Variants in MYH11 observed in about 807,000 individuals in gnomAD.
MYH11 encodes the protein myosin heavy chain 11, also known as myosin-11.
A neutral mutation model predicts 246.6 loss-of-function variants in MYH11; 80 were observed. That is an observed-to-expected ratio of 0.32 (90% confidence interval 0.27 to 0.39). The LOEUF (loss-of-function observed/expected upper bound fraction) is 0.39, where lower values mean the gene tolerates loss of function less well. MYH11 is among the 10% of genes least tolerant of loss of function. The pLI is 1.00. For missense variants in MYH11, 2,158 were observed against 2,546.8 expected (o/e 0.85, Z 3.29); for synonymous variants, 1,071 against 1,015.5 (o/e 1.05, Z -1.04).
intron 4 of MYH11, among the ~76,000 whole-genome samples, chr16:15,796,105 A>G (rs1260161656): frequency 1.4e-4 from 22 of 152,204 alleles, no homozygotes; most frequent in Non-Finnish European, 1.5e-5. Flanking sequence ...TGAACTAGGA[A>G]GAGGCGGTGG....
intron 27 of MYH11, among the ~76,000 whole-genome samples, chr16:15,729,577 G>A (rs982155522): frequency 2.0e-5 from 3 of 148,108 alleles, no homozygotes; most frequent in Non-Finnish European, 4.5e-5. Context: ...TTGAAACTGA[G>A]TCTCACTCTG....
At chr16:15,732,422 T>A (rs1295377511) in intron 27 of MYH11, 142 bp downstream of exon 27, 2 of 1,295,354 alleles carry the variant, frequency 1.5e-6, no homozygotes, top group African/African-American at 2.9e-5. Context: ...ATTTTGTAAA[T>A]AAATATAAGC....
At chr16:15,737,989 T>C (rs1252099139) in intron 24 of MYH11, among the ~76,000 whole-genome samples, 4 of 152,080 alleles carry the variant, frequency 2.6e-5, no homozygotes, top group Non-Finnish European at 1.5e-5. Flanking sequence ...GGTTTCACCA[T>C]GTTGGCCAGG....
chr16:15,743,631 T>C (rs1192467578), intron 20 of MYH11, among the ~76,000 whole-genome samples: 1 of 152,226 alleles, frequency 6.6e-6, no homozygotes, highest in East Asian at 1.9e-4. Flanking sequence ...AGCAGCTTGC[T>C]TCATGCACTT....
Position 15,737,548 on chromosome 16 carries a change from C to A in MYH11, c.3194G>T (p.Ser1065Ile). The A allele has an allele frequency of 6.2e-7, 1 of 1,614,072 alleles. No individual in the cohort carries two copies. ...GTCAGCGATCTGCTCGTGGAAGTCG[C>A]TGGCATCACCCTCCAGCTTCCGTTT... is the stretch of plus-strand genomic sequence containing the variant. ...KLKRKLEGDA[S>I]DFHEQIADLQ... The change falls in exon 25 of 41, where the codon AGC (serine) becomes ATC (isoleucine). Residue 1065 changes from serine to isoleucine, a missense_variant. Coordinates refer to ENST00000300036, the MANE Select transcript of MYH11 (RefSeq NM_002474.3).
At chr16:15,765,970 T>C (rs2041972524) in intron 9 of MYH11, among the ~76,000 whole-genome samples, 1 of 152,098 alleles carries the variant, frequency 6.6e-6, no homozygotes, top group East Asian at 1.9e-4. Flanking sequence ...CTGCAGAAAT[T>C]GGGGGCCAGA....
intron 2 of MYH11, among the ~76,000 whole-genome samples, chr16:15,835,080 C>CA (rs111629749): frequency 0.02 from 2,562 of 125,144 alleles, 77 homozygotes; most frequent in African/African-American, 0.064. Flanking sequence ...GCCCCCATCT[C>CA]AAAAAAAAAA....
chr16:15,704,784 G>A (rs2039361018), intron 40 of MYH11, among the ~76,000 whole-genome samples: 1 of 152,204 alleles, frequency 6.6e-6, no homozygotes, highest in Non-Finnish European at 1.5e-5. Flanking sequence ...TACCGCACAT[G>A]GCGTAAAACA....
rs1025053023 is a variant in MYH11 at position 15,798,634 on chromosome 16, A to C, written c.530+26T>G. 41 of 1,551,258 alleles carry C rather than the reference A, an allele frequency of 2.6e-5. No individual in the cohort carries two copies. In the Admixed American group the frequency reaches 5.8e-4, roughly 22 times the overall value. On this transcript the variant is annotated intron_variant, in intron 4 of 40. Transcript: ENST00000300036. ...AAAAAAAAAAAAAAACAAAAAAAAA[A>C]CAGAAGAAAAAGCAGTTCCACTTAC...
At chr16:15,852,579 C>A (rs984780888) in intron 1 of MYH11, among the ~76,000 whole-genome samples, 1 of 151,950 alleles carries the variant, frequency 6.6e-6, no homozygotes, top group Admixed American at 6.6e-5. Flanking sequence ...CCTCAGGTGA[C>A]CCACCTGCTG....
chr16:15,790,607 C>A (rs2042585998), intron 4 of MYH11, among the ~76,000 whole-genome samples: 1 of 152,130 alleles, frequency 6.6e-6, no homozygotes, highest in South Asian at 2.1e-4. Context: ...CTTTTCTGAC[C>A]CCTGACCTCT....
chr16:15,731,931 G>A (rs2151234669), intron 27 of MYH11, among the ~76,000 whole-genome samples: 1 of 152,158 alleles, frequency 6.6e-6, no homozygotes, highest in Admixed American at 6.6e-5. Flanking sequence ...TGGGACCACA[G>A]GAATGCACTA....
chr16:15,722,971 T>G (rs1356449937), intron 31 of MYH11, among the ~76,000 whole-genome samples: 1 of 152,154 alleles, frequency 6.6e-6, no homozygotes, highest in Non-Finnish European at 1.5e-5. Context: ...CTCAAACCCC[T>G]GACCTCAAGT....
chr16:15,720,143 T>C lies in MYH11; in HGVS notation c.4953+8A>G. 6.2e-7 allele frequency: 1 copy of C among 1,614,096 alleles called. No individual in the cohort carries two copies. Among genetic ancestry groups the C allele is most frequent in the South Asian group, 1.1e-5 (1 of 91,080 alleles). ...CCACCCATGCCCCAAGCTCCTAGTG[T>C]CACCCACCTGCAGTTTGCGTAGCTG... On this transcript the variant is annotated splice_region_variant and intron_variant, in intron 34 of 40. Transcript: ENST00000300036.
intron 20 of MYH11, among the ~76,000 whole-genome samples, chr16:15,744,335 C>T (rs2041357693): frequency 6.6e-6 from 1 of 152,014 alleles, no homozygotes. Flanking sequence ...GCTGTGACTA[C>T]AGGCGTTTGC....
At chr16:15,818,692 T>G (rs2043324475) in intron 3 of MYH11, among the ~76,000 whole-genome samples, 1 of 152,116 alleles carries the variant, frequency 6.6e-6, no homozygotes, top group Non-Finnish European at 1.5e-5. Context: ...CACCTTGGCC[T>G]CCCAAAGTGC....
intron 3 of MYH11, among the ~76,000 whole-genome samples, chr16:15,820,637 T>A (rs924621003): frequency 6.6e-6 from 1 of 152,154 alleles, no homozygotes; most frequent in African/African-American, 2.4e-5. Flanking sequence ...CAAATAAATC[T>A]GTAAGAATGA....
intron 27 of MYH11, among the ~76,000 whole-genome samples, chr16:15,732,102 C>T (rs554335002): frequency 6.6e-5 from 10 of 152,212 alleles, no homozygotes; most frequent in African/African-American, 2.4e-4. Flanking sequence ...GCTGGGATTA[C>T]AGGCATGCAC....
intron 19 of MYH11, among the ~76,000 whole-genome samples, chr16:15,747,330 A>C (rs1478726109): frequency 6.6e-6 from 1 of 152,168 alleles, no homozygotes; most frequent in Admixed American, 6.5e-5. Context: ...CCCAAGGTTC[A>C]TCAGCAAAAA....
Sources: gnomAD v4.1 joint callset for allele counts (sites outside exome capture counted in the v4.1 genomes callset) on GRCh38, gnomAD v4.1.1 for gene constraint, MANE v1.5 for transcripts, NCBI Gene and HGNC (gene_info 2026-07-23, HGNC 2026-07-21) for gene names.